The following HCRTR2 variants were observed in gnomAD, a reference collection of about 807,000 sequenced individuals.
HCRTR2 encodes the protein orexin receptor type 2.
A neutral mutation model predicts 49.0 loss-of-function variants in HCRTR2; 22 were observed. That is an observed-to-expected ratio of 0.45 (90% confidence interval 0.32 to 0.64). The LOEUF is 0.64. Ranked by LOEUF, HCRTR2 falls within the 30% of genes least tolerant of loss-of-function variation. The pLI is 0.04. For synonymous variants in HCRTR2, 236 were observed against 205.3 expected, an observed-to-expected ratio of 1.15 and a Z score of -1.28; for missense variants, 491 against 559.4, an observed-to-expected ratio of 0.88 and a Z score of 1.23.
At chr6:55,175,681 C>T (rs1765027740) in intron 1 of HCRTR2, among the ~76,000 whole-genome samples, 1 of 152,068 alleles carries the variant, frequency 6.6e-6, no homozygotes, top group African/African-American at 2.4e-5. Context: ...GACCCCTCAT[C>T]CCCCTCCCCC....
chr6:55,224,384 G>A (rs10948897), intron 1 of HCRTR2, among the ~76,000 whole-genome samples: 69,578 of 151,834 alleles, frequency 0.46, 16,998 homozygotes, highest in East Asian at 0.65. Context: ...TTGGGAGGCC[G>A]AGGCGGGCAG....
intron 1 of HCRTR2, among the ~76,000 whole-genome samples, chr6:55,193,362 A>G (rs1247599067): frequency 6.6e-6 from 1 of 152,126 alleles, no homozygotes; most frequent in Non-Finnish European, 1.5e-5. Context: ...TAACTTCAGG[A>G]GGCAGAGCAT....
At chr6:55,220,174 A>G (rs1290876008) in intron 1 of HCRTR2, among the ~76,000 whole-genome samples, 4 of 152,216 alleles carry the variant, frequency 2.6e-5, no homozygotes, top group Admixed American at 6.5e-5. Context: ...AAGAGGACGA[A>G]GCATTTCAAA....
At chr6:55,202,768 G>A (rs1261536372) in intron 1 of HCRTR2, among the ~76,000 whole-genome samples, 3 of 152,172 alleles carry the variant, frequency 2.0e-5, no homozygotes, top group Admixed American at 1.3e-4. Flanking sequence ...AATGAAGCCG[G>A]GGGAGGTTGG....
In HCRTR2 at chr6:55,118,538, T is replaced by C. The variant is rs568587368; in HGVS notation, c.-378+11993T>C. On this transcript the variant is annotated intron_variant, in intron 1 of 7. Coordinates refer to the HCRTR2 transcript ENST00000615358. ...ACCAACAGTGGATAAGTTTTCCTTT[T>C]TCTCCACAACCGTGCCAGCATCTGT... Among the ~76,000 whole-genome samples the C allele has an allele frequency of 3.4e-3, 522 of 152,108 alleles. 2 individuals carry two copies. The highest frequency in any genetic ancestry group is 5.8e-3 in the Non-Finnish European group (392 of 67,942).
chr6:55,248,524 A>G (rs1268408803), intron 1 of HCRTR2, 115 bp from the exon 2 acceptor site: 2 of 846,646 alleles, frequency 2.4e-6, no homozygotes, highest in Non-Finnish European at 4.0e-6. Flanking sequence ...CACAGCCTTC[A>G]ATTATTTTTC....
intron 1 of HCRTR2, among the ~76,000 whole-genome samples, chr6:55,209,740 C>G (rs1765664529): frequency 6.6e-6 from 1 of 152,070 alleles, no homozygotes; most frequent in Admixed American, 6.6e-5. Flanking sequence ...GCAATACTTA[C>G]TTTAAAGTAG....
At chr6:55,159,243 CAG>C (rs1337901137) in intron 1 of HCRTR2, among the ~76,000 whole-genome samples, 19 of 150,354 alleles carry the variant, frequency 1.3e-4, no homozygotes, top group Admixed American at 1.1e-3. Flanking sequence ...AATTAACAAA[CAG>C]AAAGGAATAG....
intron 1 of HCRTR2, among the ~76,000 whole-genome samples, chr6:55,110,215 A>T (rs1288794984): frequency 6.6e-6 from 1 of 152,120 alleles, no homozygotes; most frequent in Non-Finnish European, 1.5e-5. Context: ...CTACTAAAAG[A>T]AGTTCTAAAT....
At chr6:55,209,611 C>T (rs1158079688) in intron 1 of HCRTR2, among the ~76,000 whole-genome samples, 1 of 152,090 alleles carries the variant, frequency 6.6e-6, no homozygotes, top group Non-Finnish European at 1.5e-5. Context: ...ACAAATGAGG[C>T]TTAGTTACAA....
chr6:55,137,571 A>T (rs2127251086), intron 1 of HCRTR2, among the ~76,000 whole-genome samples: 1 of 152,226 alleles, frequency 6.6e-6, no homozygotes, highest in African/African-American at 2.4e-5. Context: ...ATTGCCTTGA[A>T]CTCAGGAAAC....
chr6:55,195,620 G>A (rs1405933475), intron 1 of HCRTR2, among the ~76,000 whole-genome samples: 1 of 152,088 alleles, frequency 6.6e-6, no homozygotes, highest in African/African-American at 2.4e-5. Context: ...AAATTCTTGA[G>A]GAAATGGATA....
At chr6:55,162,763 G>T (rs977709260) in intron 1 of HCRTR2, among the ~76,000 whole-genome samples, 1 of 152,102 alleles carries the variant, frequency 6.6e-6, no homozygotes, top group African/African-American at 2.4e-5. Context: ...ACTTACAAGG[G>T]ATGTGAAGGA....
chr6:55,265,395 A>T (rs577372062), intron 4 of HCRTR2, among the ~76,000 whole-genome samples: 2 of 152,254 alleles, frequency 1.3e-5, no homozygotes, highest in South Asian at 4.1e-4. Flanking sequence ...ATTACAGGTC[A>T]GTGGGGAGGG....
intron 1 of HCRTR2, among the ~76,000 whole-genome samples, chr6:55,205,077 C>A (rs1417386635): frequency 1.3e-5 from 2 of 151,992 alleles, no homozygotes; most frequent in African/African-American, 4.8e-5. Flanking sequence ...TGTGCCTGGC[C>A]CAACATTTTA....
At chr6:55,273,106 G>A (rs1285251921) in intron 4 of HCRTR2, among the ~76,000 whole-genome samples, 1 of 152,006 alleles carries the variant, frequency 6.6e-6, no homozygotes, top group Non-Finnish European at 1.5e-5. Context: ...GAGCAGTACT[G>A]AGGTAAACAA....
At chr6:55,280,821 A>T (rs1253466617) in intron 6 of HCRTR2, among the ~76,000 whole-genome samples, 1 of 152,138 alleles carries the variant, frequency 6.6e-6, no homozygotes, top group Non-Finnish European at 1.5e-5. Flanking sequence ...ATTGAGACAG[A>T]ATTGGGATCT....
chr6:55,265,661 G>T lies in HCRTR2; in HGVS notation c.762+1839G>T, dbSNP rs559052623. 2.0e-5 allele frequency among the ~76,000 whole-genome samples: 3 copies of T among 152,144 alleles called. No homozygotes were observed. In the East Asian group the frequency reaches 5.8e-4, roughly 29 times the overall value. On this transcript the variant is annotated intron_variant, in intron 4 of 6. Coordinates refer to ENST00000370862, the MANE Select transcript of HCRTR2 (RefSeq NM_001384272.1). The stretch of plus-strand genomic sequence containing the variant: ...GACAGAAAGACATCACACATCACAG[G>T]GTAATGGGGAGCTTCCTACAAGCTG...
intron 1 of HCRTR2, among the ~76,000 whole-genome samples, chr6:55,133,848 A>G (rs952349510): frequency 6.6e-6 from 1 of 151,850 alleles, no homozygotes; most frequent in African/African-American, 2.4e-5. Context: ...GTGAACCTAT[A>G]TGGCTGTTTT....
Sources: allele counts gnomAD v4.1 joint callset (sites outside exome capture counted in the v4.1 genomes callset), GRCh38; gene constraint gnomAD v4.1.1; transcripts MANE v1.5; gene names NCBI Gene and HGNC (gene_info 2026-07-23, HGNC 2026-07-21).